Variants in SHANK2 observed in about 807,000 individuals in gnomAD.
SHANK2 encodes the protein SH3 and multiple ankyrin repeat domains 2, also known as SH3 and multiple ankyrin repeat domains protein 2.
A neutral mutation model predicts 133.7 loss-of-function variants in SHANK2; 43 were observed. The ratio of observed to expected loss-of-function variants is 0.32; its 90% CI spans 0.25 to 0.41. The LOEUF (loss-of-function observed/expected upper bound fraction) is 0.41. Among genes scored for constraint, SHANK2 ranks in the 10% least tolerant of loss-of-function variants. SHANK2 has a pLI of 1.00. For synonymous variants in SHANK2, 1,017 were observed against 952.8 expected, an observed-to-expected ratio of 1.07 and a Z score of -1.24; for missense variants, 1,994 against 2,235.8, an observed-to-expected ratio of 0.89 and a Z score of 2.18.
chr11:70,813,478 G>C (rs1010973658), intron 12 of SHANK2, among the ~76,000 whole-genome samples: 1 of 152,136 alleles, frequency 6.6e-6, no homozygotes, highest in African/African-American at 2.4e-5. Context: ...AGGGGAGCTA[G>C]GGGAGCCCCT....
intron 17 of SHANK2, chr11:70,647,636 A>G (rs479521): frequency 0.4 from 60,641 of 152,182 alleles, 12,530 homozygotes; most frequent in African/African-American, 0.49. Flanking sequence ...CAAGCAGCGC[A>G]AGCATTTTAC....
At chr11:70,709,105 G>A (rs1236382032) in intron 14 of SHANK2, among the ~76,000 whole-genome samples, 2 of 152,210 alleles carry the variant, frequency 1.3e-5, no homozygotes, top group Non-Finnish European at 2.9e-5. Flanking sequence ...CAGTTACTTG[G>A]GAGGCTGAGG....
rs1485426603 is a variant in SHANK2, at chr11:70,705,069, C to T, written c.1778-6306G>A. ...TCTATTAGTCTGGGTCCTCAAGTCA[C>T]CCCCTGTTGATGTATGATGGGCATA... On this transcript the variant is annotated intron_variant, in intron 14 of 25. Coordinates refer to ENST00000601538, the MANE Select transcript of SHANK2 (RefSeq NM_012309.5). 2.6e-5 allele frequency: 4 copies of T among 152,184 alleles called. No homozygotes were observed. In the East Asian group the frequency reaches 7.7e-4, roughly 29 times the overall value. 9.4% of individuals were successfully genotyped at this position (152,184 alleles called of 1,614,324 possible).
Position 70,698,662 on chromosome 11 carries a change from C to G in SHANK2, c.1853+26G>C. The G allele has an allele frequency of 5.6e-6, 4 of 718,562 alleles. No homozygotes were observed. The South Asian group carries it at 5.9e-5, about 11-fold the overall frequency. The allele number at this position is 718,562 out of a possible 1,614,324, so 44.5% of individuals were successfully genotyped here. ...GACGAACAGCTTTGACCAGAGGGTC[C>G]TGGAAGAGAAAGCAGCGCGTCTTAC... On this transcript the variant is annotated intron_variant, in intron 15 of 25. Transcript: ENST00000601538.
At chr11:71,208,669 T>A (rs1310950707) in intron 2 of SHANK2, among the ~76,000 whole-genome samples, 1 of 152,086 alleles carries the variant, frequency 6.6e-6, no homozygotes, top group African/African-American at 2.4e-5. Flanking sequence ...TGGCTTGGAA[T>A]CCTGATTCCA....
intron 17 of SHANK2, among the ~76,000 whole-genome samples, chr11:70,557,080 T>A (rs2059841684): frequency 6.6e-6 from 1 of 152,186 alleles, no homozygotes; most frequent in South Asian, 2.1e-4. Flanking sequence ...ATTGCTGGTG[T>A]GACTCAGAAG....
At chr11:70,840,513 G>A (rs71469405) in intron 11 of SHANK2, among the ~76,000 whole-genome samples, 5,382 of 152,338 alleles carry the variant, frequency 0.035, 132 homozygotes, top group Middle Eastern at 0.065. Flanking sequence ...GAGGAGCAGA[G>A]TGTCCATGGG....
intron 14 of SHANK2, among the ~76,000 whole-genome samples, chr11:70,789,811 G>A (rs1555047529): frequency 6.6e-6 from 1 of 152,214 alleles, no homozygotes; most frequent in Non-Finnish European, 1.5e-5. Context: ...CTGGAGGATG[G>A]AAACAGGGAT....
intron 9 of SHANK2, among the ~76,000 whole-genome samples, chr11:71,067,968 TCACCACCATCATCAC>T (rs1951089176): frequency 6.6e-6 from 1 of 151,134 alleles, no homozygotes; most frequent in African/African-American, 2.4e-5. Flanking sequence ...ACCACCATCC[TCACCACCATCATCAC>T]CACCACCATC....
intron 3 of SHANK2, among the ~76,000 whole-genome samples, chr11:71,129,335 A>G (rs1952252240): frequency 6.6e-6 from 1 of 152,258 alleles, no homozygotes; most frequent in Non-Finnish European, 1.5e-5. Context: ...CGAGGTCTGC[A>G]GAGCTGTAAG....
rs533885793 is a variant in SHANK2, at chr11:70,898,829, T to A, written c.1108-2262A>T. ...AACCACATTGCAACAAAACGAACAC[T>A]GAGGGTATGGCTGGAACATCACTTG... On this transcript the variant is annotated intron_variant, in intron 10 of 25. Coordinates refer to ENST00000601538, the MANE Select transcript of SHANK2 (RefSeq NM_012309.5). Among the ~76,000 whole-genome samples the A allele has an allele frequency of 2.6e-5, 4 of 152,252 alleles. No individual in the cohort carries two copies. In the South Asian group the frequency reaches 8.3e-4, roughly 32 times the overall value.
At chr11:70,896,639 A>G (rs1200345808) in intron 10 of SHANK2, 72 bp from the exon 11 acceptor site, 1 of 692,852 alleles carries the variant, frequency 1.4e-6, no homozygotes, top group Non-Finnish European at 2.7e-6. Context: ...CTATTACATC[A>G]TTGAAGGCCT....
intron 11 of SHANK2, among the ~76,000 whole-genome samples, chr11:70,876,711 G>A (rs188280119): frequency 2.2e-4 from 33 of 152,320 alleles, no homozygotes; most frequent in East Asian, 9.6e-4. Flanking sequence ...GCTGCAGCAG[G>A]TGACAACACT....
chr11:71,221,819 G>T (rs1197370238), intron 2 of SHANK2, among the ~76,000 whole-genome samples: 6 of 152,130 alleles, frequency 3.9e-5, no homozygotes, highest in African/African-American at 1.4e-4. Flanking sequence ...GTGCCTAGGC[G>T]CTGGGAGTCT....
chr11:70,876,740 G>T (rs1565377919), intron 11 of SHANK2, among the ~76,000 whole-genome samples: 1 of 152,192 alleles, frequency 6.6e-6, no homozygotes, highest in Admixed American at 6.5e-5. Flanking sequence ...CTGTGCAAGT[G>T]AAGGCAGGAA....
At chr11:70,928,885 G>T (rs914810444) in intron 10 of SHANK2, among the ~76,000 whole-genome samples, 3 of 152,138 alleles carry the variant, frequency 2.0e-5, no homozygotes, top group Admixed American at 6.5e-5. Flanking sequence ...AAGAACGGTA[G>T]GGGGTGACCT....
At chr11:71,089,213 G>A (rs1367153690) in intron 8 of SHANK2, among the ~76,000 whole-genome samples, 2 of 152,162 alleles carry the variant, frequency 1.3e-5, no homozygotes, top group African/African-American at 4.8e-5. Flanking sequence ...TCCTCAACAG[G>A]AGCCGAAGCT....
intron 14 of SHANK2, among the ~76,000 whole-genome samples, chr11:70,707,522 G>T (rs1945692393): frequency 2.0e-5 from 3 of 152,040 alleles, no homozygotes; most frequent in Non-Finnish European, 4.4e-5. Flanking sequence ...GACAGACAGA[G>T]GCAGGAAGGA....
chr11:70,862,581 GGCTGATGGACTGGACT>G (rs1449791100), intron 11 of SHANK2, among the ~76,000 whole-genome samples: 94 of 152,028 alleles, frequency 6.2e-4, no homozygotes, highest in African/African-American at 2.1e-3. Flanking sequence ...GGACTGGACG[GGCTGATGGACTGGACT>G]GCTGATGGAC....
Sources: gnomAD v4.1 joint callset for allele counts (sites outside exome capture counted in the v4.1 genomes callset) on GRCh38, gnomAD v4.1.1 for gene constraint, MANE v1.5 for transcripts, NCBI Gene and HGNC (gene_info 2026-07-23, HGNC 2026-07-21) for gene names.